The following CATSPERG variants were observed in gnomAD, a reference collection of about 807,000 sequenced individuals.
CATSPERG encodes catsper channel auxiliary subunit gamma.
In CATSPERG, 115 loss-of-function variants were observed where a neutral mutation model predicts 145.0. The ratio of observed to expected loss-of-function variants is 0.79; its 90% CI spans 0.68 to 0.93. The LOEUF is 0.93. Among genes scored for constraint, CATSPERG ranks in the 40% least tolerant of loss-of-function variants. CATSPERG has a pLI of 0.00. For missense variants in CATSPERG, 1,296 were observed against 1,490.1 expected, an observed-to-expected ratio of 0.87 and a Z score of 2.14; for synonymous variants, 588 against 589.0, an observed-to-expected ratio of 1.00 and a Z score of 0.02.
chr19:38,359,650 C>T, intron 14 of CATSPERG, 69 bp downstream of exon 14: 1 of 1,535,598 alleles, frequency 6.5e-7, no homozygotes, highest in South Asian at 1.2e-5. Context: ...CCCTCTTTCC[C>T]CCGTCACAGT....
Position 38,343,725 on chromosome 19 carries a change from G to C in CATSPERG, c.469+1G>C. The C allele has an allele frequency of 6.5e-7, 1 of 1,549,598 alleles. No homozygotes were observed. Among genetic ancestry groups the C allele is most frequent in the Non-Finnish European group, 8.7e-7 (1 of 1,146,868 alleles). On this transcript the variant is annotated splice_donor_variant, in intron 4 of 28. Coordinates refer to ENST00000409235, the MANE Select transcript of CATSPERG (RefSeq NM_021185.5). LOFTEE classifies it high-confidence loss of function. ...GAGGCTGCCCCCTTCCGCAGCAAAG[G>C]TGGGCCTGGGGGAGGCGGGAGGGAT...
intron 7 of CATSPERG, 122 bp downstream of exon 7, chr19:38,346,727 G>T: frequency 1.1e-6 from 1 of 870,730 alleles, no homozygotes; most frequent in South Asian, 2.7e-5. Context: ...CCCCATGAGA[G>T]GCAGATAGCA....
intron 17 of CATSPERG, 124 bp downstream of exon 17, chr19:38,361,985 G>T: frequency 1.3e-6 from 1 of 769,316 alleles, no homozygotes; most frequent in South Asian, 1.7e-5. Context: ...GTGGTGGGTG[G>T]GCGGGGGACC....
intron 20 of CATSPERG, among the ~76,000 whole-genome samples, chr19:38,364,222 G>A (rs1182030564): frequency 4.6e-5 from 7 of 151,994 alleles, no homozygotes; most frequent in African/African-American, 9.6e-5. Context: ...GCTGCCGGGC[G>A]GAGGGGCTCC....
At position 38,337,415 on chromosome 19, in the gene CATSPERG, G is replaced by A; in HGVS notation, c.181G>A (p.Val61Met). Residue 61 changes from valine to methionine, a missense_variant, in exon 2 of 29, where the codon GTG (valine) becomes ATG (methionine). Val to Met is a conservative substitution (Grantham distance 21, BLOSUM62 1). Coordinates refer to ENST00000409235, the MANE Select transcript of CATSPERG (RefSeq NM_021185.5). The stretch of plus-strand genomic sequence containing the variant: ...GTTTAAGAGGGTAGGCGAGAGTGGT[G>A]TGAGCGACAGCTTCTTTGAGCAAGA... ...NEFKRVGESGVSDSFFEQEPV... is the reference protein window; with the variant it reads ...NEFKRVGESGMSDSFFEQEPV... 6.4e-7 allele frequency: 1 copy of A among 1,552,046 alleles called. No individual in the cohort carries two copies. The highest frequency in any genetic ancestry group is 2.4e-5 in the East Asian group (1 of 40,926).
intron 23 of CATSPERG, 26 bp from the exon 24 acceptor site, chr19:38,367,483 G>T (rs759746025): frequency 6.2e-7 from 1 of 1,608,658 alleles, no homozygotes; most frequent in Non-Finnish European, 8.5e-7. Context: ...TTCTTCTTCT[G>T]GTCTCAATCC....
In CATSPERG at chr19:38,362,781, G is replaced by A. The variant is rs1382080896; in HGVS notation, c.2424G>A (p.Glu808=). 3 of 1,614,116 alleles carry A rather than the reference G, an allele frequency of 1.9e-6. No individual in the cohort carries two copies. Among genetic ancestry groups the A allele is most frequent in the Admixed American group, 1.7e-5 (1 of 60,016 alleles). ...TGCTGGCCGACCCCGGCTGCATCGA[G>A]GCCTCGGTGAAGCAGGAGGTCCTGA... ...GVVLADPGCI[E]ASVKQEVLIN... Residue 808 remains glutamate, a synonymous_variant, in exon 20 of 29, where the codon GAG becomes GAA. Coordinates refer to ENST00000409235, the MANE Select transcript of CATSPERG (RefSeq NM_021185.5).
At chr19:38,360,050 G>C in intron 14 of CATSPERG, 2 of 985,296 alleles carry the variant, frequency 2.0e-6, no homozygotes, top group South Asian at 4.7e-5. Context: ...GGCTCAGGAA[G>C]GGGAGTGAAG....
intron 7 of CATSPERG, 76 bp from the exon 8 acceptor site, chr19:38,352,185 G>T: frequency 7.0e-7 from 1 of 1,425,508 alleles, no homozygotes; most frequent in Non-Finnish European, 9.6e-7. Context: ...GTCAGAGCAG[G>T]AGCTTCCCCG....
Position 38,367,774 on chromosome 19 carries a change from C to T in CATSPERG, c.2928C>T (p.Asp976=). ...TCTACCGCTTCAACAGCCCCCTGGA[C>T]AAGTAATCCCCGTGGGGTCCCACGT... ...DEIYRFNSPL[D]KTNSLIWTTR... The change falls in exon 25 of 29, where the codon GAC becomes GAT. Residue 976 remains aspartate (D), a splice_region_variant and synonymous_variant. Coordinates refer to ENST00000409235, the MANE Select transcript of CATSPERG (RefSeq NM_021185.5). The T allele has an allele frequency of 6.2e-7, 1 of 1,613,704 alleles. No homozygotes were observed. Among genetic ancestry groups the T allele is most frequent in the Middle Eastern group, 1.7e-4 (1 of 6,052 alleles).
intron 1 of CATSPERG, 191 bp downstream of exon 1, chr19:38,336,066 G>T (rs1200721791): frequency 3.0e-5 from 12 of 397,952 alleles, no homozygotes; most frequent in Non-Finnish European, 5.2e-5. Context: ...AGGAGGGAAA[G>T]GGGGAGCCGA....
Position 38,337,664 on chromosome 19 carries a change from G to T in CATSPERG, c.324+18G>T. 6.5e-7 allele frequency: 1 copy of T among 1,549,292 alleles called. No homozygotes were observed. The highest frequency in any genetic ancestry group is 8.7e-7 in the Non-Finnish European group (1 of 1,144,836). ...AGGAAAAGGTGAGTGGGTGCAGCAC[G>T]GATAGGCTCATTCTATGAGCCTTGG... On this transcript the variant is annotated intron_variant, in intron 3 of 28. Coordinates refer to ENST00000409235, the MANE Select transcript of CATSPERG (RefSeq NM_021185.5).
intron 13 of CATSPERG, among the ~76,000 whole-genome samples, chr19:38,359,241 T>G (rs1047475822): frequency 6.6e-6 from 1 of 151,898 alleles, no homozygotes; most frequent in Non-Finnish European, 1.5e-5. Flanking sequence ...CTGAGCCACC[T>G]TCTTGGGTGG....
At chr19:38,370,406 C>T (rs1480990351) in intron 28 of CATSPERG, 120 bp from the exon 29 acceptor site, 3 of 1,445,998 alleles carry the variant, frequency 2.1e-6, no homozygotes, top group African/African-American at 1.4e-5. Flanking sequence ...GCTGTCTACT[C>T]ATTCATTTCC....
chr19:38,341,266 C>G (rs1358116811), intron 3 of CATSPERG, among the ~76,000 whole-genome samples: 1 of 152,180 alleles, frequency 6.6e-6, no homozygotes, highest in Non-Finnish European at 1.5e-5. Flanking sequence ...CACTGGCTCC[C>G]TCCTGTTGTT....
At chr19:38,358,664 C>A in intron 13 of CATSPERG, 103 bp downstream of exon 13, 1 of 1,405,268 alleles carries the variant, frequency 7.1e-7, no homozygotes, top group Non-Finnish European at 9.9e-7. Flanking sequence ...CTCACCAAGC[C>A]TTCAAAGGAT....
In CATSPERG at chr19:38,367,570, C is replaced by T; in HGVS notation, c.2832C>T (p.Gly944=). 1.2e-6 allele frequency: 2 copies of T among 1,614,010 alleles called. No individual in the cohort carries two copies. Among genetic ancestry groups the T allele is most frequent in the Non-Finnish European group, 1.7e-6 (2 of 1,179,924 alleles). The stretch of plus-strand genomic sequence containing the variant: ...CAGGAGACTCCGGCAGTTTCCAGGG[C>T]AGGTAAAGGCGTGGCCAGCTTGCAG... ...LVTGDSGSFQ[G]SYVLLVVGGG... is the part of the protein sequence containing the mutation. Residue 944 remains glycine (G), a splice_region_variant and synonymous_variant, in exon 24 of 29, where the codon GGC becomes GGT. Coordinates refer to ENST00000409235, the MANE Select transcript of CATSPERG (RefSeq NM_021185.5).
intron 14 of CATSPERG, chr19:38,359,808 C>T (rs73043033): frequency 0.031 from 39,676 of 1,282,578 alleles, 674 homozygotes; most frequent in South Asian, 0.046. Context: ...AGAGGCGGCC[C>T]TCTTTCATCC....
intron 28 of CATSPERG, 104 bp from the exon 29 acceptor site, chr19:38,370,422 C>A: frequency 6.7e-7 from 1 of 1,501,634 alleles, no homozygotes; most frequent in Non-Finnish European, 9.2e-7. Flanking sequence ...TTTCCTCCTG[C>A]TGTCATGCCT....
Sources: allele counts gnomAD v4.1 joint callset (sites outside exome capture counted in the v4.1 genomes callset), GRCh38; gene constraint gnomAD v4.1.1; transcripts MANE v1.5; gene names NCBI Gene and HGNC (gene_info 2026-07-23, HGNC 2026-07-21).